CFAP54: variants seen among roughly 807,000 people sequenced by gnomAD.
CFAP54 encodes cilia- and flagella-associated protein 54.
A neutral mutation model predicts 370.4 loss-of-function variants in CFAP54; 290 were observed. The observed-to-expected ratio is 0.78, with a 90% CI of 0.71 to 0.86. CFAP54 has a LOEUF of 0.86. CFAP54 is among the 40% of genes least tolerant of loss of function. The probability of loss-of-function intolerance (pLI) is 0.00; values close to 1 mark genes in which losing one functional copy is unlikely to be tolerated. For synonymous variants in CFAP54, 1,206 were observed against 1,236.5 expected (o/e 0.98, Z 0.52); for missense variants, 3,399 against 3,528.7 (o/e 0.96, Z 0.93).
At chr12:96,534,400 G>A (rs1227502106) in intron 11 of CFAP54, among the ~76,000 whole-genome samples, 173 bp downstream of exon 11, 2 of 152,176 alleles carry the variant, frequency 1.3e-5, no homozygotes, top group Non-Finnish European at 1.5e-5. Flanking sequence ...GACCAAGTGT[G>A]GTAGGTGACA....
intron 47 of CFAP54, 79 bp from the exon 48 acceptor site, chr12:96,708,529 A>G (rs1957570519): frequency 2.3e-6 from 3 of 1,277,672 alleles, no homozygotes; most frequent in Non-Finnish European, 3.3e-6. Context: ...ACCAAATGTG[A>G]ACTGCAAAAG....
intron 17 of CFAP54, among the ~76,000 whole-genome samples, chr12:96,558,391 C>G (rs1318434440): frequency 6.6e-6 from 1 of 151,842 alleles, no homozygotes; most frequent in Non-Finnish European, 1.5e-5. Context: ...TTGGAAAACC[C>G]CAAAGACTCC....
intron 55 of CFAP54, among the ~76,000 whole-genome samples, chr12:96,746,587 A>T (rs1401485506): frequency 6.6e-6 from 1 of 152,190 alleles, no homozygotes; most frequent in Non-Finnish European, 1.5e-5. Context: ...TTTCCTATCC[A>T]TAATTACCTT....
At chr12:96,772,967 G>A (rs1958478990) in intron 60 of CFAP54, among the ~76,000 whole-genome samples, 1 of 151,868 alleles carries the variant, frequency 6.6e-6, no homozygotes, top group Non-Finnish European at 1.5e-5. Flanking sequence ...CAGATTCTGG[G>A]GATTAGACAT....
At chr12:96,857,548 A>G (rs1959743127) in intron 66 of CFAP54, among the ~76,000 whole-genome samples, 1 of 152,122 alleles carries the variant, frequency 6.6e-6, no homozygotes, top group African/African-American at 2.4e-5. Flanking sequence ...ATTGATGGGC[A>G]TTTAGGTTGA....
At chr12:96,661,256 G>A (rs1470617425) in intron 38 of CFAP54, among the ~76,000 whole-genome samples, 1 of 152,184 alleles carries the variant, frequency 6.6e-6, no homozygotes, top group African/African-American at 2.4e-5. Context: ...GGGGTTGCCA[G>A]CCGTCAATCA....
intron 43 of CFAP54, 141 bp from the exon 44 acceptor site, chr12:96,690,987 A>G (rs1957381573): frequency 3.0e-6 from 2 of 674,720 alleles, no homozygotes; most frequent in South Asian, 2.1e-5. Flanking sequence ...AATATAAATG[A>G]TAAGTACCAT....
At chr12:96,553,848 C>G (rs1955723968) in intron 15 of CFAP54, among the ~76,000 whole-genome samples, 1 of 151,790 alleles carries the variant, frequency 6.6e-6, no homozygotes, top group Non-Finnish European at 1.5e-5. Context: ...AAGTGACAAA[C>G]TATGTGAACT....
chr12:96,749,402 A>C (rs1958157992), intron 55 of CFAP54, among the ~76,000 whole-genome samples: 1 of 152,264 alleles, frequency 6.6e-6, no homozygotes, highest in Non-Finnish European at 1.5e-5. Context: ...TGGGGGTTAC[A>C]TTTCAACATA....
Position 96,506,979 on chromosome 12 carries a change from A to G in CFAP54, c.619A>G (p.Ser207Gly), listed in dbSNP as rs544075530. ...GTGCAACTACCAGCTGGTCTGCGAC[A>G]GTGATGAAAACCTGAAGAATAAAGA... Reference protein sequence around the residue: ...NMCNYQLVCDSDENLKNKESV... With the variant: ...NMCNYQLVCDGDENLKNKESV... Residue 207 changes from serine to glycine, a missense_variant, in exon 4 of 68, where the codon AGT becomes GGT. Ser to Gly is a moderately conservative substitution (Grantham distance 56, BLOSUM62 0). Transcript: ENST00000524981. The G allele has an allele frequency of 3.9e-6, 6 of 1,535,938 alleles. No homozygotes were observed. The East Asian group carries it at 1.5e-4, about 38-fold the overall frequency.
intron 60 of CFAP54, among the ~76,000 whole-genome samples, chr12:96,766,807 C>T (rs1958405809): frequency 6.6e-6 from 1 of 152,080 alleles, no homozygotes; most frequent in African/African-American, 2.4e-5. Context: ...TTGTGTTTTC[C>T]CAGTTTTTAG....
intron 39 of CFAP54, 108 bp from the exon 40 acceptor site, chr12:96,679,492 C>A: frequency 8.6e-7 from 1 of 1,164,310 alleles, no homozygotes. Flanking sequence ...TTGAATTTAG[C>A]GGCTTTAGGT....
rs772595810 is a variant in CFAP54 at position 96,500,830 on chromosome 12, A to T, written c.318-4A>T. The T allele has an allele frequency of 1.3e-5, 20 of 1,516,750 alleles. No homozygotes were observed. In the South Asian group the frequency reaches 2.1e-4, roughly 16 times the overall value. 94.0% of individuals were successfully genotyped at this position (1,516,750 alleles called of 1,614,324 possible). A position where few individuals can be genotyped will look rare whatever the true frequency, so the allele number is the denominator to read the frequency against. ...AATGTCGTTTTATTTTATGATTTTT[A>T]CAGTGCCACTTCTTTGTTTAATATC... On this transcript the variant is annotated splice_polypyrimidine_tract_variant and splice_region_variant and intron_variant, in intron 1 of 67. Transcript: ENST00000524981.
At chr12:96,521,196 G>A (rs1955307619) in intron 6 of CFAP54, among the ~76,000 whole-genome samples, 2 of 152,102 alleles carry the variant, frequency 1.3e-5, no homozygotes, top group Non-Finnish European at 1.5e-5. Flanking sequence ...TATAAATGAT[G>A]AATGAAATAT....
chr12:96,652,775 T>G (rs1031835413), intron 36 of CFAP54, among the ~76,000 whole-genome samples: 2 of 151,922 alleles, frequency 1.3e-5, no homozygotes, highest in African/African-American at 4.8e-5. Flanking sequence ...AAGAAACAGG[T>G]AGATTGAAAA....
At position 96,498,300 on chromosome 12, in the gene CFAP54, G is replaced by A. The variant is rs1005572158; in HGVS notation, c.318-2534G>A. 7.5e-4 allele frequency among the ~76,000 whole-genome samples: 114 copies of A among 152,218 alleles called. 2 individuals are homozygous for A. The highest frequency in any genetic ancestry group is 2.4e-4 in the Non-Finnish European group (16 of 68,046). ...CAAAAAATGAATCTAGACACAGACT[G>A]TACGCCCTTCACAAAAATTAACTCA... On this transcript the variant is annotated intron_variant, in intron 1 of 67. Coordinates refer to ENST00000524981, the MANE Select transcript of CFAP54 (RefSeq NM_001306084.2).
intron 39 of CFAP54, among the ~76,000 whole-genome samples, chr12:96,671,506 CT>C (rs1447920924): frequency 6.6e-6 from 1 of 152,170 alleles, no homozygotes; most frequent in Non-Finnish European, 1.5e-5. Context: ...TCATCAGTGT[CT>C]GATATATAGT....
chr12:96,659,387 G>A (rs774916223), intron 38 of CFAP54, among the ~76,000 whole-genome samples: 5 of 152,134 alleles, frequency 3.3e-5, no homozygotes, highest in Non-Finnish European at 5.9e-5. Flanking sequence ...TCCCACCTCA[G>A]CCTCCCAAAG....
At chr12:96,760,042 A>C (rs1958317448) in intron 58 of CFAP54, among the ~76,000 whole-genome samples, 1 of 152,168 alleles carries the variant, frequency 6.6e-6, no homozygotes, top group African/African-American at 2.4e-5. Context: ...TCTTTTCCTA[A>C]GGATCACAGA....
Sources: allele counts gnomAD v4.1 joint callset (sites outside exome capture counted in the v4.1 genomes callset), GRCh38; gene constraint gnomAD v4.1.1; transcripts MANE v1.5; gene names NCBI Gene and HGNC (gene_info 2026-07-23, HGNC 2026-07-21).